Variants in XYLT1 observed in about 807,000 individuals in gnomAD.
XYLT1 encodes the protein beta-D-xylosyltransferase 1.
A neutral mutation model predicts 91.3 loss-of-function variants in XYLT1; 36 were observed. That is an observed-to-expected ratio of 0.39 (90% CI 0.30 to 0.52). The LOEUF (loss-of-function observed/expected upper bound fraction) is 0.52, where lower values mean the gene tolerates loss of function less well. XYLT1 is among the 20% of genes least tolerant of loss of function. The probability of loss-of-function intolerance (pLI) is 0.68; values close to 1 mark genes in which losing one functional copy is unlikely to be tolerated. For synonymous variants in XYLT1, 588 were observed against 532.0 expected, an observed-to-expected ratio of 1.11 and a Z score of -1.45; for missense variants, 1,242 against 1,284.5, an observed-to-expected ratio of 0.97 and a Z score of 0.51.
chr16:17,264,549 T>G (rs995208439), intron 2 of XYLT1, among the ~76,000 whole-genome samples: 8 of 152,214 alleles, frequency 5.3e-5, no homozygotes, highest in African/African-American at 1.9e-4. Flanking sequence ...GATTTTGGCT[T>G]TTCTGTCCTT....
At chr16:17,241,299 T>C (rs978139326) in intron 3 of XYLT1, among the ~76,000 whole-genome samples, 6 of 152,214 alleles carry the variant, frequency 3.9e-5, no homozygotes, top group African/African-American at 1.4e-4. Flanking sequence ...CCAGGTTAAT[T>C]GCTCTTTGAG....
At chr16:17,253,341 A>G (rs770649571) in intron 3 of XYLT1, among the ~76,000 whole-genome samples, 2 of 152,088 alleles carry the variant, frequency 1.3e-5, no homozygotes, top group Non-Finnish European at 2.9e-5. Context: ...CAATCTTATT[A>G]ACCAGCTCAC....
chr16:17,215,850 C>T (rs1047982900), intron 3 of XYLT1, among the ~76,000 whole-genome samples: 20 of 151,966 alleles, frequency 1.3e-4, no homozygotes, highest in South Asian at 2.1e-4. Context: ...GAGGATGGGC[C>T]GACAGCAGAG....
chr16:17,470,673 C>A lies in XYLT1; in HGVS notation c.124G>T (p.Ala42Ser). The A allele has an allele frequency of 4.3e-6, 5 of 1,154,366 alleles. No homozygotes were observed. The highest frequency in any genetic ancestry group is 5.4e-6 in the Non-Finnish European group (5 of 919,870). 71.5% of individuals were successfully genotyped at this position (1,154,366 alleles called of 1,614,324 possible). The change falls in exon 1 of 12, where the codon GCC (alanine) becomes TCC (serine). Residue 42 changes from alanine to serine, a missense_variant. Around this residue, in one of 3 missense-constraint regions of XYLT1, gnomAD observed 437 missense variants for 411.5 expected, o/e 1.06. Coordinates refer to ENST00000261381, the MANE Select transcript of XYLT1 (RefSeq NM_022166.4). The stretch of plus-strand genomic sequence containing the variant: ...GCTGCGCCCCCGCGGCGCTCCCCGG[C>A]CCCGGAGTCGAGGCTGCTGAAATTC... ...VWNFSSLDSG[A>S]GERRGGAAVG...
chr16:17,132,661 G>GGGAGGCTGAAGC (rs2030535792), intron 9 of XYLT1, among the ~76,000 whole-genome samples: 2 of 152,192 alleles, frequency 1.3e-5, no homozygotes, highest in Admixed American at 6.5e-5. Context: ...TCAGCACTTA[G>GGGAGGCTGAAGC]GGAGGCTGAA....
intron 3 of XYLT1, among the ~76,000 whole-genome samples, chr16:17,236,164 A>G (rs1486355825): frequency 6.6e-6 from 1 of 152,156 alleles, no homozygotes; most frequent in African/African-American, 2.4e-5. Flanking sequence ...CTTTCCATTT[A>G]TCTTGAGGGA....
rs1037624021 is a variant in XYLT1, at chr16:17,106,675, A to G, written c.*2020T>C. ...CCCACAAACTCTCTGCAGCTAGCAC[A>G]TTCCCCACTCACCCTCCACGTTTTC... On this transcript the variant is annotated 3_prime_UTR_variant, in exon 12 of 12. Transcript: ENST00000261381. 5.3e-5 allele frequency: 8 copies of G among 152,160 alleles called. No homozygotes were observed. Among genetic ancestry groups the G allele is most frequent in the Non-Finnish European group, 1.0e-4 (7 of 68,054 alleles). The allele number at this position is 152,160 out of a possible 1,614,324, so 9.4% of individuals were successfully genotyped here. A position where few individuals can be genotyped will look rare whatever the true frequency, so the allele number is the denominator to read the frequency against.
At chr16:17,462,979 T>C (rs556702435) in intron 1 of XYLT1, among the ~76,000 whole-genome samples, 23 of 152,214 alleles carry the variant, frequency 1.5e-4, no homozygotes, top group South Asian at 8.3e-4. Flanking sequence ...GAAAGGAAAG[T>C]CTTCGATAAG....
intron 1 of XYLT1, among the ~76,000 whole-genome samples, chr16:17,407,707 C>T (rs1294877686): frequency 6.6e-6 from 1 of 152,228 alleles, no homozygotes; most frequent in Non-Finnish European, 1.5e-5. Context: ...GGTCTGCATT[C>T]TAACCCAGGG....
intron 3 of XYLT1, chr16:17,249,844 T>C (rs1250055549): frequency 6.6e-6 from 1 of 151,974 alleles, no homozygotes; most frequent in Non-Finnish European, 1.5e-5. Context: ...AACTTTTGTT[T>C]TGTTTTGTTT....
At chr16:17,462,125 C>T (rs1188045142) in intron 1 of XYLT1, among the ~76,000 whole-genome samples, 3 of 152,198 alleles carry the variant, frequency 2.0e-5, no homozygotes, top group African/African-American at 7.2e-5. Context: ...GGAGGAGAAA[C>T]AAATGCCTCT....
Position 17,117,072 on chromosome 16 carries a change from A to T in XYLT1, c.2557+574T>A, listed in dbSNP as rs74386319. Among the ~76,000 whole-genome samples the T allele has an allele frequency of 5.7e-3, 866 of 152,304 alleles. 36 individuals carry two copies. In the East Asian group the frequency reaches 0.074, roughly 13 times the overall value. On this transcript the variant is annotated intron_variant, in intron 11 of 11. Coordinates refer to ENST00000261381, the MANE Select transcript of XYLT1 (RefSeq NM_022166.4). ...TTCAGTTCTGCCACTGTAGCTCTAA[A>T]GCAGAAGCAGGCAACATGTACATGA...
chr16:17,470,915 C>CCGT lies in XYLT1; in HGVS notation c.-120_-119insACG. On this transcript the variant is annotated 5_prime_UTR_variant, in exon 1 of 12. Coordinates refer to ENST00000261381, the MANE Select transcript of XYLT1 (RefSeq NM_022166.4). ...GCTCGGGCTCCCGCTCGGGCCGCCG[C>CCGT]CGCCGCCCCCCTCCCCACACCCCTG... 1 of 145,336 alleles carries CCGT rather than the reference C, an allele frequency of 6.9e-6. No individual in the cohort carries two copies. The highest frequency in any genetic ancestry group is 1.5e-5 in the Non-Finnish European group (1 of 65,214). The allele number at this position is 145,336 out of a possible 1,614,324, so 9.0% of individuals were successfully genotyped here. A position where few individuals can be genotyped will look rare whatever the true frequency, so the allele number is the denominator to read the frequency against.
At chr16:17,445,146 C>T (rs1477926015) in intron 1 of XYLT1, among the ~76,000 whole-genome samples, 1 of 152,120 alleles carries the variant, frequency 6.6e-6, no homozygotes, top group African/African-American at 2.4e-5. Flanking sequence ...ACCACAGGCA[C>T]CAACATGCCA....
At position 17,108,468 on chromosome 16, in the gene XYLT1, C is replaced by T. The variant is rs1966808622; in HGVS notation, c.*227G>A. 2.2e-6 allele frequency: 1 copy of T among 445,844 alleles called. No individual in the cohort carries two copies. The highest frequency in any genetic ancestry group is 4.1e-5 in the Admixed American group (1 of 24,488). 27.6% of individuals were successfully genotyped at this position (445,844 alleles called of 1,614,324 possible). ...TGAGGATCAACCAGAAGAGGTGAGACAGTCACAGTGCAGGGACTGAGCCAT... is the reference window on the plus strand; with the variant it reads ...TGAGGATCAACCAGAAGAGGTGAGATAGTCACAGTGCAGGGACTGAGCCAT... On this transcript the variant is annotated 3_prime_UTR_variant, in exon 12 of 12. Transcript: ENST00000261381.
chr16:17,127,343 A>G (rs2030295931), intron 10 of XYLT1, among the ~76,000 whole-genome samples: 1 of 152,200 alleles, frequency 6.6e-6, no homozygotes, highest in Non-Finnish European at 1.5e-5. Context: ...GGATCTCTAT[A>G]AGCCTCAGTT....
chr16:17,343,636 T>G (rs990335353), intron 2 of XYLT1, among the ~76,000 whole-genome samples: 19 of 152,136 alleles, frequency 1.2e-4, no homozygotes, highest in African/African-American at 4.6e-4. Flanking sequence ...ACACGCAGAT[T>G]ATGTTTTATT....
chr16:17,224,157 G>C (rs1014311287), intron 3 of XYLT1, among the ~76,000 whole-genome samples: 1 of 152,172 alleles, frequency 6.6e-6, no homozygotes, highest in Non-Finnish European at 1.5e-5. Context: ...TTAATTGAAG[G>C]CTGTGGTATA....
chr16:17,238,259 T>G (rs1051296387), intron 3 of XYLT1, among the ~76,000 whole-genome samples: 3 of 152,242 alleles, frequency 2.0e-5, no homozygotes, highest in Non-Finnish European at 4.4e-5. Flanking sequence ...AGGCCGGAAT[T>G]TTCAGCTTTT....
Sources: allele counts gnomAD v4.1 joint callset (sites outside exome capture counted in the v4.1 genomes callset), GRCh38; gene constraint gnomAD v4.1.1; regional missense constraint gnomAD v4.1.1; transcripts MANE v1.5; gene names NCBI Gene and HGNC (gene_info 2026-07-23, HGNC 2026-07-21).